CAND2: variants seen among roughly 807,000 people sequenced by gnomAD.
The protein encoded by CAND2 is cullin associated and neddylation dissociated 2 (putative).
A neutral mutation model predicts 98.9 loss-of-function variants in CAND2; 62 were observed. The observed-to-expected ratio is 0.63, with a 90% confidence interval of 0.51 to 0.77. The LOEUF (loss-of-function observed/expected upper bound fraction) is 0.77. CAND2 is among the 30% of genes least tolerant of loss of function. The pLI is 0.00. For synonymous variants in CAND2, 770 were observed against 731.9 expected, an observed-to-expected ratio of 1.05 and a Z score of -0.84; for missense variants, 1,501 against 1,655.2, an observed-to-expected ratio of 0.91 and a Z score of 1.62.
chr3:12,825,162 C>T (rs948539210), intron 11 of CAND2, among the ~76,000 whole-genome samples: 3 of 146,994 alleles, frequency 2.0e-5, no homozygotes, highest in Non-Finnish European at 1.5e-5. Context: ...ATTTTAAATT[C>T]TAAAGACAGT....
chr3:12,802,391 G>A (rs2061772967), intron 1 of CAND2, among the ~76,000 whole-genome samples: 1 of 152,224 alleles, frequency 6.6e-6, no homozygotes, highest in Non-Finnish European at 1.5e-5. Flanking sequence ...AGATGTGGAT[G>A]ATGTCCTGTG....
Position 12,815,763 on chromosome 3 carries a change from C to T in CAND2, c.1300-104C>T, listed in dbSNP as rs538487910. On this transcript the variant is annotated intron_variant, in intron 8 of 14. Transcript: ENST00000456430. The surrounding 1 kb of genome is among the most constrained non-coding windows in gnomAD (Gnocchi z 5.7). ...GAGTGCTTGGGAGATATCTTGATGCCGACATCCTCCCTGGGGATGTGTCTG... is the reference window on the plus strand; with the variant it reads ...GAGTGCTTGGGAGATATCTTGATGCTGACATCCTCCCTGGGGATGTGTCTG... 1.6e-4 allele frequency: 185 copies of T among 1,134,902 alleles called. No homozygotes were observed. The African/African-American group carries it at 2.6e-3, about 16-fold the overall frequency. The allele number at this position is 1,134,902 out of a possible 1,614,324, so 70.3% of individuals were successfully genotyped here. A position where few individuals can be genotyped will look rare whatever the true frequency, so the allele number is the denominator to read the frequency against.
chr3:12,827,078 G>A (rs936480056), intron 12 of CAND2, among the ~76,000 whole-genome samples: 3 of 152,068 alleles, frequency 2.0e-5, no homozygotes, highest in Non-Finnish European at 4.4e-5. Flanking sequence ...TGATCCGCCC[G>A]CCTTGGCCTC....
intron 2 of CAND2, 28 bp downstream of exon 2, chr3:12,803,659 G>T: frequency 3.8e-6 from 6 of 1,566,836 alleles, no homozygotes; most frequent in Non-Finnish European, 5.2e-6. Context: ...TGGAGCAGGA[G>T]AGGGGGCCCT....
intron 1 of CAND2, among the ~76,000 whole-genome samples, 198 bp from the exon 2 acceptor site, chr3:12,803,290 C>T (rs998728205): frequency 1.3e-5 from 2 of 152,194 alleles, no homozygotes; most frequent in African/African-American, 4.8e-5. Flanking sequence ...TTGCGCCCGG[C>T]CAGCTCCATT....
chr3:12,807,231 G>C, intron 2 of CAND2, 75 bp from the exon 3 acceptor site: 1 of 1,395,842 alleles, frequency 7.2e-7, no homozygotes, highest in Admixed American at 2.2e-5. Context: ...GCAGGAGCAT[G>C]AGGGGACATA....
At position 12,807,440 on chromosome 3, in the gene CAND2, A is replaced by G; in HGVS notation, c.347A>G (p.Glu116Gly). Residue 116 changes from glutamate to glycine, a missense_variant, in exon 3 of 15, where the codon GAG becomes GGG. By Grantham distance (98) the Glu-to-Gly change is moderately conservative (BLOSUM62 -2). Coordinates refer to ENST00000456430, the MANE Select transcript of CAND2 (RefSeq NM_001162499.2). ...AGIGLKTVLS[E>G]LPPAATGSGL... Reference sequence around the variant, plus strand: ...ATTGGCCTCAAGACCGTCCTCTCGGAGCTCCCTCCTGCAGCCACAGGTACC... The same window carrying G: ...ATTGGCCTCAAGACCGTCCTCTCGGGGCTCCCTCCTGCAGCCACAGGTACC... 6.4e-7 allele frequency: 1 copy of G among 1,551,478 alleles called. No homozygotes were observed. Among genetic ancestry groups the G allele is most frequent in the Non-Finnish European group, 8.7e-7 (1 of 1,146,916 alleles).
chr3:12,827,194 G>A (rs1316495166), intron 12 of CAND2, among the ~76,000 whole-genome samples: 1 of 152,188 alleles, frequency 6.6e-6, no homozygotes, highest in Non-Finnish European at 1.5e-5. Flanking sequence ...CAAGCAGTCA[G>A]CACAGTGCCT....
intron 5 of CAND2, among the ~76,000 whole-genome samples, chr3:12,812,240 T>TTTTTTTTTTTTTA (rs71066940): frequency 7.3e-6 from 1 of 137,108 alleles, no homozygotes; most frequent in Non-Finnish European, 1.5e-5. Context: ...TTTTTTTTTT[T>TTTTTTTTTTTTTA]GGAGATAGAA....
Position 12,813,731 on chromosome 3 carries a change from C to A in CAND2, c.1006+343C>A, listed in dbSNP as rs567526653. 9.8e-5 allele frequency among the ~76,000 whole-genome samples: 15 copies of A among 152,348 alleles called. No homozygotes were observed. In the South Asian group the frequency reaches 3.1e-3, roughly 32 times the overall value. ...GGGCCTTAGAGCCAGGTCTGTCAGG[C>A]TCCCCCACCTCTGCACTGCCACCGT... is the stretch of plus-strand genomic sequence containing the variant. On this transcript the variant is annotated intron_variant, in intron 7 of 14. Coordinates refer to ENST00000456430, the MANE Select transcript of CAND2 (RefSeq NM_001162499.2).
intron 1 of CAND2, among the ~76,000 whole-genome samples, chr3:12,800,043 C>T (rs968631282): frequency 1.3e-5 from 2 of 152,152 alleles, no homozygotes; most frequent in African/African-American, 2.4e-5. Flanking sequence ...ACTTGGAGAC[C>T]CTGGGTGCCA....
intron 7 of CAND2, among the ~76,000 whole-genome samples, chr3:12,814,387 C>A: frequency 6.6e-6 from 1 of 152,180 alleles, no homozygotes; most frequent in Non-Finnish European, 1.5e-5. Context: ...TCGCTGTGTG[C>A]CCTGAGAGTC....
chr3:12,817,970 A>G, intron 10 of CAND2, 94 bp downstream of exon 10: 1 of 1,157,238 alleles, frequency 8.6e-7, no homozygotes, highest in African/African-American at 1.5e-5. Flanking sequence ...AGCTATTTCA[A>G]GTCACTGGAT....
At chr3:12,809,700 G>A (rs1375560843) in intron 4 of CAND2, among the ~76,000 whole-genome samples, 1 of 151,962 alleles carries the variant, frequency 6.6e-6, no homozygotes, top group East Asian at 1.9e-4. Context: ...ACTTTATACT[G>A]CTCTGGTCTC....
chr3:12,809,789 C>CA lies in CAND2; in HGVS notation c.492-270_492-269insA, dbSNP rs1163560615. On this transcript the variant is annotated intron_variant, in intron 4 of 14. Transcript: ENST00000456430. ...AGAAATAGGGACAGCCTTACTAGAT[C>CA]CTCTATGCTTTCCCCTATCAGGTCT... 7.4e-6 allele frequency: 3 copies of CA among 406,152 alleles called. No individual in the cohort carries two copies. In the East Asian group the frequency reaches 1.2e-4, roughly 17 times the overall value. 25.2% of individuals were successfully genotyped at this position (406,152 alleles called of 1,614,324 possible).
chr3:12,818,788 T>C (rs1438912697), intron 10 of CAND2, among the ~76,000 whole-genome samples: 1 of 152,186 alleles, frequency 6.6e-6, no homozygotes, highest in Non-Finnish European at 1.5e-5. Flanking sequence ...GTTAAGGCCT[T>C]CTTGGGTTGC....
chr3:12,815,848 T>G lies in CAND2; in HGVS notation c.1300-19T>G. 2 of 1,607,704 alleles carry G rather than the reference T, an allele frequency of 1.2e-6. No individual in the cohort carries two copies. The highest frequency in any genetic ancestry group is 1.7e-6 in the Non-Finnish European group (2 of 1,175,610). On this transcript the variant is annotated intron_variant, in intron 8 of 14. Coordinates refer to ENST00000456430, the MANE Select transcript of CAND2 (RefSeq NM_001162499.2). This position sits in a 1 kb window ranked among gnomAD's most constrained non-coding sequence, Gnocchi z 5.7. ...TTCTTGGGTGTTCCCTGACCTTGAC[T>G]TCCCCCTCCTGCCCACAGGTGCCCC...
At position 12,817,499 on chromosome 3, in the gene CAND2, C is replaced by T. The variant is rs1239015595; in HGVS notation, c.2567C>T (p.Pro856Leu). 1 of 1,613,596 alleles carries T rather than the reference C, an allele frequency of 6.2e-7. No homozygotes were observed. The highest frequency in any genetic ancestry group is 1.3e-5 in the African/African-American group (1 of 75,074). Reference sequence around the variant, plus strand: ...GCTGAGGTGGGTCAGGTGGCTGGGCCAGGCCACCAGCGGGAGCTGAAGGCG... The same window carrying T: ...GCTGAGGTGGGTCAGGTGGCTGGGCTAGGCCACCAGCGGGAGCTGAAGGCG... ...SLAEVGQVAG[P>L]GHQRELKAVL... The change falls in exon 10 of 15, where the codon CCA becomes CTA. Residue 856 changes from proline to leucine, a missense_variant. Around this residue, in one of 3 missense-constraint regions of CAND2, gnomAD observed 1,427 missense variants for 1,545.3 expected, o/e 0.92. Transcript: ENST00000456430.
At chr3:12,807,780 G>A (rs879938583) in intron 3 of CAND2, among the ~76,000 whole-genome samples, 1 of 152,192 alleles carries the variant, frequency 6.6e-6, no homozygotes, top group Non-Finnish European at 1.5e-5. Flanking sequence ...GTGGCTCAAT[G>A]TTGACAGGGT....
Sources: gnomAD v4.1 joint callset for allele counts (sites outside exome capture counted in the v4.1 genomes callset) on GRCh38, gnomAD v4.1.1 for gene constraint, gnomAD v4.1.1 regional missense constraint, Gnocchi (gnomAD v3.1) non-coding constraint, MANE v1.5 for transcripts, NCBI Gene and HGNC (gene_info 2026-07-23, HGNC 2026-07-21) for gene names.